RANBP2: variants seen among roughly 807,000 people sequenced by gnomAD.
RANBP2 encodes the protein E3 SUMO-protein ligase RanBP2.
Under a neutral mutation model 303.6 loss-of-function variants are expected in RANBP2, and 57 were observed. The ratio of observed to expected loss-of-function variants is 0.19; its 90% CI spans 0.15 to 0.23. The LOEUF is 0.23. Ranked by LOEUF, RANBP2 falls within the 10% of genes least tolerant of loss-of-function variation. RANBP2 has a pLI of 1.00. For missense variants in RANBP2, 3,138 were observed against 3,780.8 expected (o/e 0.83, Z 4.46); for synonymous variants, 1,167 against 1,301.5 (o/e 0.90, Z 2.23).
the RANBP2 span, among the ~76,000 whole-genome samples, chr2:109,021,514 C>A: frequency 7.4e-6 from 1 of 135,196 alleles, no homozygotes. Context: ...CAGAGAGAGA[C>A]TCCGTCTCAG....
the RANBP2 span, among the ~76,000 whole-genome samples, chr2:109,473,410 A>T: frequency 6.6e-6 from 1 of 152,104 alleles, no homozygotes; most frequent in Non-Finnish European, 1.5e-5. Context: ...TTTGGCACCA[A>T]ATTGGGACAA....
At chr2:108,977,819 C>G in the RANBP2 span, among the ~76,000 whole-genome samples, 1 of 152,214 alleles carries the variant, frequency 6.6e-6, no homozygotes, top group African/African-American at 2.4e-5. Context: ...GAGCCGCACC[C>G]TCTTTTCTTG....
At chr2:109,051,560 G>C in the RANBP2 span, among the ~76,000 whole-genome samples, 2 of 152,168 alleles carry the variant, frequency 1.3e-5, no homozygotes, top group African/African-American at 4.8e-5. Context: ...CCAATAGTTG[G>C]CATAAGTGAG....
the RANBP2 span, among the ~76,000 whole-genome samples, chr2:108,855,661 G>A: frequency 1.3e-5 from 2 of 152,136 alleles, no homozygotes; most frequent in Non-Finnish European, 2.9e-5. Context: ...AAAATGGAGT[G>A]TACTATAATT....
the RANBP2 span, among the ~76,000 whole-genome samples, chr2:109,078,080 A>ATATT: frequency 2.8e-4 from 2 of 7,060 alleles, no homozygotes; most frequent in South Asian, 9.8e-3. Context: ...ACAGATGAAT[A>ATATT]TATATATATA....
chr2:109,048,945 G>A, the RANBP2 span, among the ~76,000 whole-genome samples: 1 of 152,300 alleles, frequency 6.6e-6, no homozygotes, highest in East Asian at 1.9e-4. Flanking sequence ...TTGGTATGAT[G>A]TTTCTCATTT....
the RANBP2 span, among the ~76,000 whole-genome samples, chr2:108,800,501 G>A: frequency 2.0e-5 from 3 of 150,698 alleles, no homozygotes; most frequent in South Asian, 6.4e-4. Flanking sequence ...CTGACCTCAA[G>A]CAATCCACCT....
the RANBP2 span, among the ~76,000 whole-genome samples, chr2:109,448,479 C>T: frequency 6.6e-6 from 1 of 152,130 alleles, no homozygotes; most frequent in Non-Finnish European, 1.5e-5. Flanking sequence ...ACCTGAGCTC[C>T]ACCACCCATC....
the RANBP2 span, among the ~76,000 whole-genome samples, chr2:109,103,506 G>A: frequency 4.6e-5 from 7 of 152,286 alleles, no homozygotes; most frequent in African/African-American, 1.7e-4. Flanking sequence ...GCTCACAGGT[G>A]GATTCAAAGA....
At chr2:109,629,797 C>T in the RANBP2 span, among the ~76,000 whole-genome samples, 1 of 151,436 alleles carries the variant, frequency 6.6e-6, no homozygotes, top group Non-Finnish European at 1.5e-5. Flanking sequence ...GGCAATAGAG[C>T]AAGACTCCGT....
chr2:109,364,788 C>T, the RANBP2 span, among the ~76,000 whole-genome samples: 1 of 152,154 alleles, frequency 6.6e-6, no homozygotes, highest in East Asian at 1.9e-4. Context: ...GTAGGTAAGG[C>T]TCTCATAAAA....
At chr2:109,639,833 C>A in the RANBP2 span, among the ~76,000 whole-genome samples, 2 of 151,080 alleles carry the variant, frequency 1.3e-5, no homozygotes, top group Non-Finnish European at 3.0e-5. Flanking sequence ...GCCTCAGCAT[C>A]CTGAGTAGCT....
At position 108,772,982 on chromosome 2, in the gene RANBP2, C is replaced by T. The variant is rs749587608; in HGVS notation, c.8228C>T (p.Thr2743Ile). The change falls in exon 23 of 29, where the codon ACT becomes ATT. Residue 2743 changes from threonine to isoleucine, a missense_variant. Thr to Ile is a moderately conservative substitution (Grantham distance 89, BLOSUM62 -1). Coordinates refer to ENST00000283195, the MANE Select transcript of RANBP2 (RefSeq NM_006267.5). ...TTTTTTTGTGGAGTCTGTAGTGATA[C>T]TGATGAAGACAATGGAAATGGGGAG... ...PTFFCGVCSD[T>I]DEDNGNGEDF... 1 of 1,613,918 alleles carries T rather than the reference C, an allele frequency of 6.2e-7. No homozygotes were observed. The highest frequency in any genetic ancestry group is 1.7e-5 in the Admixed American group (1 of 60,002).
At chr2:108,977,664 C>T in the RANBP2 span, among the ~76,000 whole-genome samples, 1 of 152,022 alleles carries the variant, frequency 6.6e-6, no homozygotes, top group African/African-American at 2.4e-5. Context: ...CTCCTGGGAC[C>T]CGGCTCTCAC....
At chr2:109,484,287 G>A in the RANBP2 span, among the ~76,000 whole-genome samples, 645 of 152,082 alleles carry the variant, frequency 4.2e-3, 7 homozygotes, top group African/African-American at 0.015. Context: ...GGCTGGTCTC[G>A]AACTCCTGAC....
chr2:109,697,858 GT>G, the RANBP2 span, among the ~76,000 whole-genome samples: 1,845 of 127,628 alleles, frequency 0.014, 11 homozygotes, highest in South Asian at 0.035. Context: ...TTAGTCTAAA[GT>G]TTTTTTTTTT....
At chr2:109,645,912 C>T in the RANBP2 span, among the ~76,000 whole-genome samples, 3 of 152,078 alleles carry the variant, frequency 2.0e-5, no homozygotes, top group Non-Finnish European at 4.4e-5. Flanking sequence ...ACTCTATGCT[C>T]GGAGTGTAGA....
chr2:108,910,892 G>C, the RANBP2 span: 1 of 1,613,860 alleles, frequency 6.2e-7, no homozygotes, highest in Non-Finnish European at 8.5e-7. Context: ...CTCTCCGACA[G>C]GGGGAGTTGA....
chr2:108,822,522 A>C, the RANBP2 span, among the ~76,000 whole-genome samples: 1 of 152,224 alleles, frequency 6.6e-6, no homozygotes, highest in Non-Finnish European at 1.5e-5. Flanking sequence ...TCAAGTGTAC[A>C]TGGAACATCC....
Sources: allele counts gnomAD v4.1 joint callset (sites outside exome capture counted in the v4.1 genomes callset), GRCh38; gene constraint gnomAD v4.1.1; transcripts MANE v1.5; gene names NCBI Gene and HGNC (gene_info 2026-07-23, HGNC 2026-07-21).